The following ZNF331 variants were observed in gnomAD, a reference collection of about 807,000 sequenced individuals.
ZNF331 encodes the protein C2H2-like zinc finger protein rearranged in thyroid adenomas.
In ZNF331, 2 loss-of-function variants were observed where a neutral mutation model predicts 7.0. The ratio of observed to expected loss-of-function variants is 0.29; its 90% CI spans 0.12 to 0.90. The LOEUF is 0.90. Among genes scored for constraint, ZNF331 ranks in the 40% least tolerant of loss-of-function variants. ZNF331 has a pLI of 0.58. For synonymous variants in ZNF331, 196 were observed against 205.4 expected (o/e 0.95, Z 0.39); for missense variants, 432 against 587.7 (o/e 0.74, Z 2.74).
At chr19:53,506,386 C>G in the ZNF331 span, among the ~76,000 whole-genome samples, 1 of 148,412 alleles carries the variant, frequency 6.7e-6, no homozygotes, top group Non-Finnish European at 1.5e-5. Context: ...TGTCCTGGCC[C>G]CTACCACATA....
chr19:53,516,091 C>T (rs986282789), upstream of ZNF331, among the ~76,000 whole-genome samples: 1 of 152,088 alleles, frequency 6.6e-6, no homozygotes, highest in Non-Finnish European at 1.5e-5. Flanking sequence ...CTGGGGAGGC[C>T]TCAGAAACGA....
rs1027313134 is a variant in ZNF331 at position 53,573,258 on chromosome 19, C to G, written c.136+1528C>G. Among the ~76,000 whole-genome samples the G allele has an allele frequency of 6.6e-6, 1 of 151,880 alleles. No homozygotes were observed. Among genetic ancestry groups the G allele is most frequent in the Non-Finnish European group, 1.5e-5 (1 of 67,996 alleles). ...ATAAGGCCGGGTGCGGTGGCTCACT[C>G]CTGTGATCACAAGACTGGCAGGCCA... On this transcript the variant is annotated intron_variant, in intron 5 of 5. Transcript: ENST00000449416. The surrounding 1 kb of genome is among the most constrained non-coding windows in gnomAD (Gnocchi z 4.2).
intron 3 of ZNF331, among the ~76,000 whole-genome samples, chr19:53,565,443 C>T (rs1372087466): frequency 6.6e-6 from 1 of 152,196 alleles, no homozygotes; most frequent in Non-Finnish European, 1.5e-5. Flanking sequence ...AGTCCTCCCA[C>T]TGTGGCCCCA....
At chr19:53,566,467 A>G (rs1287522516) in intron 3 of ZNF331, among the ~76,000 whole-genome samples, 1 of 152,088 alleles carries the variant, frequency 6.6e-6, no homozygotes, top group Admixed American at 6.6e-5. Flanking sequence ...TAATTTTTGT[A>G]TGGTAGTGCA....
intron 2 of ZNF331, among the ~76,000 whole-genome samples, chr19:53,540,480 T>C (rs1479155254): frequency 6.6e-6 from 1 of 152,162 alleles, no homozygotes; most frequent in East Asian, 1.9e-4. Context: ...TTGCCCATGC[T>C]GGAGCGCAGT....
chr19:53,553,437 G>T (rs1284463985), intron 2 of ZNF331, among the ~76,000 whole-genome samples: 2 of 152,134 alleles, frequency 1.3e-5, no homozygotes, highest in Admixed American at 6.5e-5. Context: ...GGCTTTCTCA[G>T]TATTATGTGT....
intron 2 of ZNF331, among the ~76,000 whole-genome samples, chr19:53,542,366 C>T (rs901250124): frequency 1.3e-5 from 2 of 152,178 alleles, no homozygotes; most frequent in African/African-American, 4.8e-5. Context: ...GTTCCTTTCC[C>T]AGGACATCAC....
chr19:53,512,400 A>G, the ZNF331 span: 1 of 152,244 alleles, frequency 6.6e-6, no homozygotes, highest in Admixed American at 6.5e-5. Flanking sequence ...ACGTCTTCAC[A>G]AATGGCCTCA....
At chr19:53,569,259 G>A in intron 3 of ZNF331, 45 bp from the exon 4 acceptor site, 1 of 1,083,558 alleles carries the variant, frequency 9.2e-7, no homozygotes, top group South Asian at 1.4e-5. Flanking sequence ...TCACTATGGG[G>A]ACCCCAGATG....
the ZNF331 span, among the ~76,000 whole-genome samples, chr19:53,508,156 C>A: frequency 1.3e-5 from 2 of 152,234 alleles, no homozygotes; most frequent in Non-Finnish European, 2.9e-5. Context: ...CTGGACAGAG[C>A]CTGAATCTGT....
Position 53,577,044 on chromosome 19 carries a change from A to G in ZNF331, c.484A>G (p.Lys162Glu). The change falls in exon 6 of 6, where the codon AAA (lysine) becomes GAA (glutamate). Residue 162 changes from lysine to glutamate, a missense_variant. Coordinates refer to ENST00000449416, the MANE Select transcript of ZNF331 (RefSeq NM_001079906.2). Reference sequence around the variant, plus strand: ...TACTGGTGAGAAACCTTATGAATGTAAAGAATGTAAGAAGGCCTTCCGTTG... The same window carrying G: ...TACTGGTGAGAAACCTTATGAATGTGAAGAATGTAAGAAGGCCTTCCGTTG... ...IHTGEKPYECKECKKAFRWGN... is the reference protein window; with the variant it reads ...IHTGEKPYECEECKKAFRWGN... 1 of 1,613,602 alleles carries G rather than the reference A, an allele frequency of 6.2e-7. No homozygotes were observed. Among genetic ancestry groups the G allele is most frequent in the South Asian group, 1.1e-5 (1 of 91,062 alleles).
In ZNF331 at chr19:53,571,485, T is replaced by G; in HGVS notation, c.10-119T>G. On this transcript the variant is annotated intron_variant, in intron 4 of 5. Transcript: ENST00000449416. This position sits in a 1 kb window ranked among gnomAD's most constrained non-coding sequence, Gnocchi z 4.7. The stretch of plus-strand genomic sequence containing the variant: ...TGATGTCCTTACCGCCCCTTGCCGA[T>G]GTCACGGGTGTTCAGTCTGCTCACG... 7.7e-7 allele frequency: 1 copy of G among 1,300,082 alleles called. No individual in the cohort carries two copies. Among genetic ancestry groups the G allele is most frequent in the East Asian group, 2.3e-5 (1 of 43,012 alleles). The allele number at this position is 1,300,082 out of a possible 1,614,324, so 80.5% of individuals were successfully genotyped here.
upstream of ZNF331, among the ~76,000 whole-genome samples, chr19:53,520,039 CTTATTATTA>C (rs138557099): frequency 6.6e-6 from 1 of 151,064 alleles, no homozygotes; most frequent in Non-Finnish European, 1.5e-5. Context: ...GCTTTCCGGG[CTTATTATTA>C]TTATTATTAT....
intron 2 of ZNF331, among the ~76,000 whole-genome samples, chr19:53,549,718 T>TAA (rs147875703): frequency 8.6e-5 from 13 of 151,450 alleles, no homozygotes; most frequent in Admixed American, 2.0e-4. Context: ...AATTTTTTTT[T>TAA]AAAAATCTTT....
chr19:53,570,864 T>A (rs1280179079), intron 4 of ZNF331, among the ~76,000 whole-genome samples: 1 of 142,718 alleles, frequency 7.0e-6, no homozygotes, highest in Non-Finnish European at 1.5e-5. Flanking sequence ...TTTTCTTTTC[T>A]TTTTTTTTTT....
chr19:53,565,197 G>A (rs980270302), intron 3 of ZNF331, among the ~76,000 whole-genome samples: 5 of 152,164 alleles, frequency 3.3e-5, no homozygotes, highest in African/African-American at 7.2e-5. Context: ...GGTCAAGGCC[G>A]GTGGAGAATT....
intron 3 of ZNF331, among the ~76,000 whole-genome samples, chr19:53,567,248 AC>A (rs1195407193): frequency 1.3e-5 from 2 of 152,158 alleles, no homozygotes; most frequent in Non-Finnish European, 2.9e-5. Context: ...TCTGTATATT[AC>A]CTGAGCAGTT....
chr19:53,566,254 C>A (rs2090150233), intron 3 of ZNF331, among the ~76,000 whole-genome samples: 1 of 152,116 alleles, frequency 6.6e-6, no homozygotes, highest in South Asian at 2.1e-4. Context: ...TGTTATCGAC[C>A]AGGGAAGCTC....
At chr19:53,535,018 C>CAAAAAAAA (rs59509834), upstream of ZNF331, among the ~76,000 whole-genome samples, 2 of 127,338 alleles carry the variant, frequency 1.6e-5, no homozygotes, top group Non-Finnish European at 3.2e-5. Context: ...AGCCTGTAAC[C>CAAAAAAAA]AAAAAAAAAA....
Sources: allele counts gnomAD v4.1 joint callset (sites outside exome capture counted in the v4.1 genomes callset), GRCh38; gene constraint gnomAD v4.1.1; non-coding constraint Gnocchi (gnomAD v3.1); transcripts MANE v1.5; gene names NCBI Gene and HGNC (gene_info 2026-07-23, HGNC 2026-07-21).